RAB5IF: variants seen among roughly 807,000 people sequenced by gnomAD.
RAB5IF encodes the protein RAB5 interacting factor.
A neutral mutation model predicts 20.3 loss-of-function variants in RAB5IF; 15 were observed. The observed-to-expected ratio is 0.74, with a 90% CI of 0.50 to 1.14. RAB5IF has a LOEUF of 1.14. Among genes scored for constraint, RAB5IF ranks in the 50% most tolerant of loss-of-function variants. The pLI is 0.00. For missense variants in RAB5IF, 148 were observed against 159.5 expected (o/e 0.93, Z 0.39); for synonymous variants, 67 against 63.7 (o/e 1.05, Z -0.25).
Position 36,607,819 on chromosome 20 carries a change from G to GT in RAB5IF, c.218+2dup. On this transcript the variant is annotated splice_donor_variant, in intron 2 of 3. Transcript: ENST00000344795. LOFTEE classifies it high-confidence loss of function. Reference sequence around the variant, plus strand: ...TACGAGGGTTCTTGGGAATAGCAGGGTAAGTCTTGGGTATCTTATATTTTC... The same window carrying GT: ...TACGAGGGTTCTTGGGAATAGCAGGGTTAAGTCTTGGGTATCTTATATTTTC... The GT allele has an allele frequency of 3.1e-6, 5 of 1,613,708 alleles. No homozygotes were observed. The highest frequency in any genetic ancestry group is 4.2e-6 in the Non-Finnish European group (5 of 1,179,760).
At chr20:36,608,033 G>T in intron 2 of RAB5IF, 1 of 1,354,132 alleles carries the variant, frequency 7.4e-7, no homozygotes, top group South Asian at 1.2e-5. Context: ...CTTCCTGAAG[G>T]CTGGGCCAGT....
At position 36,606,850 on chromosome 20, in the gene RAB5IF, G is replaced by T. The variant is rs567690239; in HGVS notation, c.114+785G>T. Among the ~76,000 whole-genome samples, 31 of 152,320 alleles carry T rather than the reference G, an allele frequency of 2.0e-4. No homozygotes were observed. In the South Asian group the frequency reaches 5.8e-3, roughly 29 times the overall value. On this transcript the variant is annotated intron_variant, in intron 1 of 3. Coordinates refer to ENST00000344795, the MANE Select transcript of RAB5IF (RefSeq NM_018840.5). ...GCTTGAAAAGCGTATTATATTTGCA[G>T]TCATTTCTTGGTTTTCTGGGCTGCC...
chr20:36,610,765 A>G (rs1325580170), intron 3 of RAB5IF, among the ~76,000 whole-genome samples: 1 of 152,182 alleles, frequency 6.6e-6, no homozygotes, highest in East Asian at 1.9e-4. Context: ...AAAACATCAT[A>G]CTAAGTGGAA....
At position 36,605,892 on chromosome 20, in the gene RAB5IF, C is replaced by T; in HGVS notation, c.-60C>T. 3 of 1,048,368 alleles carry T rather than the reference C, an allele frequency of 2.9e-6. No homozygotes were observed. In the South Asian group the frequency reaches 6.8e-5, roughly 24 times the overall value. 64.9% of individuals were successfully genotyped at this position (1,048,368 alleles called of 1,614,324 possible). Reference sequence around the variant, plus strand: ...GCGCCGTGACCTGCGACCCTAGACCCCGACTCCCTTTGGCTCAGCCCGCGC... The same window carrying T: ...GCGCCGTGACCTGCGACCCTAGACCTCGACTCCCTTTGGCTCAGCCCGCGC... On this transcript the variant is annotated 5_prime_UTR_variant, in exon 1 of 4. Coordinates refer to ENST00000344795, the MANE Select transcript of RAB5IF (RefSeq NM_018840.5).
In RAB5IF at chr20:36,609,256, C is replaced by CACACTA. The variant is rs1555790839; in HGVS notation, c.219-345_219-344insACACTA. ...ACACACACACACACACACACACACA[C>CACACTA]TATATATAGAGTTTCGCTGTTGCCC... On this transcript the variant is annotated intron_variant, in intron 2 of 3. Coordinates refer to ENST00000344795, the MANE Select transcript of RAB5IF (RefSeq NM_018840.5). Among the ~76,000 whole-genome samples the CACACTA allele has an allele frequency of 2.5e-4, 30 of 121,650 alleles. 1 individual carries two copies. Among genetic ancestry groups the CACACTA allele is most frequent in the Non-Finnish European group, 3.2e-4 (19 of 60,168 alleles). The allele number at this position is 121,650 out of a possible 152,430, so 79.8% of individuals were successfully genotyped here.
intron 1 of RAB5IF, among the ~76,000 whole-genome samples, chr20:36,606,645 A>T (rs1465716223): frequency 6.6e-6 from 1 of 152,184 alleles, no homozygotes; most frequent in African/African-American, 2.4e-5. Context: ...ATGAGTCAAG[A>T]GGGGAGACTG....
At chr20:36,606,296 C>T (rs1479822052) in intron 1 of RAB5IF, among the ~76,000 whole-genome samples, 2 of 152,144 alleles carry the variant, frequency 1.3e-5, no homozygotes, top group African/African-American at 4.8e-5. Context: ...GCGGAATTGG[C>T]GAGGAGCGGG....
chr20:36,609,367 GCAGCTGGGATTA>G lies in RAB5IF; in HGVS notation c.219-230_219-219del, dbSNP rs2039053514. ...CAGTTCTCCTGCCTCCACCTCCTGA[GCAGCTGGGATTA>G]CAGGCGCCCACCACAATGCCCTGCT... On this transcript the variant is annotated intron_variant, in intron 2 of 3. Coordinates refer to ENST00000344795, the MANE Select transcript of RAB5IF (RefSeq NM_018840.5). 5.9e-5 allele frequency among the ~76,000 whole-genome samples: 9 copies of G among 151,740 alleles called. No homozygotes were observed. In the South Asian group the frequency reaches 1.7e-3, roughly 28 times the overall value.
intron 2 of RAB5IF, among the ~76,000 whole-genome samples, chr20:36,608,915 T>G (rs2038998544): frequency 6.6e-6 from 1 of 151,682 alleles, no homozygotes; most frequent in Admixed American, 6.6e-5. Context: ...GCAGGAACAG[T>G]CATCTTTACG....
intron 1 of RAB5IF, among the ~76,000 whole-genome samples, chr20:36,606,595 GT>G (rs2038939959): frequency 1.3e-5 from 2 of 152,180 alleles, no homozygotes; most frequent in African/African-American, 4.8e-5. Context: ...TTGAGCTGCT[GT>G]TGCTTGTTGA....
At chr20:36,609,024 G>A (rs978545529) in intron 2 of RAB5IF, among the ~76,000 whole-genome samples, 2 of 151,738 alleles carry the variant, frequency 1.3e-5, no homozygotes, top group African/African-American at 4.8e-5. Context: ...ACTAGGCTAC[G>A]AAGCAGCAGC....
chr20:36,609,256 C>T (rs556842333), intron 2 of RAB5IF, among the ~76,000 whole-genome samples: 1 of 121,580 alleles, frequency 8.2e-6, no homozygotes, highest in Non-Finnish European at 1.7e-5. Context: ...CACACACACA[C>T]TATATATAGA....
rs2039067258 is a variant in RAB5IF, at chr20:36,609,896, TGTG to T, written c.348+169_348+171del. Reference sequence around the variant, plus strand: ...CTGTGTTGAGCCACATCCCAGAAGATGTGGTCTGATATACTGTACAGTCCCCTG... The same window carrying T: ...CTGTGTTGAGCCACATCCCAGAAGATGTCTGATATACTGTACAGTCCCCTG... On this transcript the variant is annotated intron_variant, in intron 3 of 3. Transcript: ENST00000344795. 2.5e-6 allele frequency: 3 copies of T among 1,185,306 alleles called. No homozygotes were observed. In the East Asian group the frequency reaches 7.1e-5, roughly 28 times the overall value. The allele number at this position is 1,185,306 out of a possible 1,614,324, so 73.4% of individuals were successfully genotyped here.
rs1248716719 is a variant in RAB5IF at position 36,609,182 on chromosome 20, C to T, written c.219-419C>T. On this transcript the variant is annotated intron_variant, in intron 2 of 3. Transcript: ENST00000344795. ...ACACACACACACACACACACACACA[C>T]ACACACACACACGCACACACGCACA... Among the ~76,000 whole-genome samples the T allele has an allele frequency of 1.4e-3, 57 of 39,714 alleles. 2 individuals carry two copies. The highest frequency in any genetic ancestry group is 1.9e-3 in the Non-Finnish European group (39 of 20,776). The allele number at this position is 39,714 out of a possible 152,430, so 26.1% of individuals were successfully genotyped here.
intron 2 of RAB5IF, among the ~76,000 whole-genome samples, chr20:36,608,550 CTCAT>C (rs1340734650): frequency 6.9e-6 from 1 of 144,852 alleles, no homozygotes; most frequent in Non-Finnish European, 1.5e-5. Context: ...TGGCATCGGT[CTCAT>C]TCTTTTTTTT....
chr20:36,609,555 T>C (rs771582450), intron 2 of RAB5IF, 46 bp from the exon 3 acceptor site: 33 of 1,539,266 alleles, frequency 2.1e-5, no homozygotes, highest in Non-Finnish European at 2.9e-5. Context: ...TTCTGAGTCT[T>C]CTAAGCTTTC....
At chr20:36,609,166 C>CATACATAT (rs1383041286) in intron 2 of RAB5IF, among the ~76,000 whole-genome samples, 1 of 11,432 alleles carries the variant, frequency 8.7e-5, no homozygotes, top group African/African-American at 2.8e-4. Flanking sequence ...TACACACACA[C>CATACATAT]ACACACACAC....
chr20:36,609,888 C>CTGGGATGTGGCT, intron 3 of RAB5IF, 158 bp downstream of exon 3: 1 of 1,269,794 alleles, frequency 7.9e-7, no homozygotes, highest in Non-Finnish European at 1.1e-6. Flanking sequence ...GAGCCACATC[C>CTGGGATGTGGCT]CAGAAGATGT....
chr20:36,608,888 T>C (rs1236562062), intron 2 of RAB5IF, among the ~76,000 whole-genome samples: 2 of 151,826 alleles, frequency 1.3e-5, no homozygotes, highest in African/African-American at 2.4e-5. Context: ...AGCCCCCTAA[T>C]TGATGGTGAG....
Sources: gnomAD v4.1 joint callset for allele counts (sites outside exome capture counted in the v4.1 genomes callset) on GRCh38, gnomAD v4.1.1 for gene constraint, MANE v1.5 for transcripts, NCBI Gene and HGNC (gene_info 2026-07-23, HGNC 2026-07-21) for gene names.